NRK: variants seen among roughly 807,000 people sequenced by gnomAD.
The protein encoded by NRK is nik-related protein kinase.
A neutral mutation model predicts 125.2 loss-of-function variants in NRK; 67 were observed. The observed-to-expected ratio is 0.54, with a 90% CI of 0.44 to 0.66. The LOEUF is 0.66. Ranked by LOEUF, NRK falls within the 30% of genes least tolerant of loss-of-function variation. The pLI is 0.00. For synonymous variants in NRK, 458 were observed against 429.0 expected (o/e 1.07, Z -0.84); for missense variants, 1,224 against 1,192.9 (o/e 1.03, Z -0.38).
chrX:105,940,390 A>G (rs951976527), intron 23 of NRK, among the ~76,000 whole-genome samples: 5 of 109,455 alleles, frequency 4.6e-5, no homozygotes, highest in African/African-American at 1.7e-4. Flanking sequence ...TCCTGCCTTT[A>G]TATAGCTTCA....
intron 2 of NRK, among the ~76,000 whole-genome samples, chrX:105,836,392 CT>C (rs1440887969): frequency 1.9e-4 from 21 of 111,812 alleles, no homozygotes; most frequent in South Asian, 3.7e-4. Context: ...AACATCAGAT[CT>C]TCCAAGTACA....
Position 105,956,752 on chromosome X carries a change from A to C in NRK, c.*1152A>C. 8.9e-6 allele frequency: 1 copy of C among 112,005 alleles called. No homozygotes were observed. Among genetic ancestry groups the C allele is most frequent in the Non-Finnish European group, 1.9e-5 (1 of 53,143 alleles). 9.2% of individuals were successfully genotyped at this position (112,005 alleles called of 1,213,427 possible). A position where few individuals can be genotyped will look rare whatever the true frequency, so the allele number is the denominator to read the frequency against. ...ATATATAAGCCTGCAAAATTAGAGT[A>C]GTGAAAGTCATGCTAGTCCATCACC... On this transcript the variant is annotated 3_prime_UTR_variant, in exon 29 of 29. Coordinates refer to ENST00000243300, the MANE Select transcript of NRK (RefSeq NM_198465.4).
intron 9 of NRK, among the ~76,000 whole-genome samples, chrX:105,901,696 G>T (rs1297934585): frequency 1.8e-5 from 2 of 111,536 alleles, no homozygotes; most frequent in Non-Finnish European, 3.8e-5. Flanking sequence ...AAGAGGGGCT[G>T]GGATAAAGCT....
At chrX:105,852,330 G>A (rs1027858678) in intron 2 of NRK, among the ~76,000 whole-genome samples, 30 of 111,857 alleles carry the variant, frequency 2.7e-4, no homozygotes, top group African/African-American at 9.4e-4. Context: ...ATAGGGAAAT[G>A]GTGAAAGTTC....
intron 2 of NRK, among the ~76,000 whole-genome samples, chrX:105,831,757 A>G (rs2039195973): frequency 9.0e-6 from 1 of 111,529 alleles, no homozygotes; most frequent in African/African-American, 3.3e-5. Context: ...GGGGAGCCAT[A>G]CATTACATAA....
intron 2 of NRK, among the ~76,000 whole-genome samples, chrX:105,837,879 A>G (rs1199429157): frequency 3.6e-5 from 4 of 111,653 alleles, no homozygotes. Flanking sequence ...CCCCAAGAGC[A>G]ATAGACACAG....
At position 105,917,618 on chromosome X, in the gene NRK, A is replaced by G. The variant is rs748722097; in HGVS notation, c.2458A>G (p.Ile820Val). ...RSLLEQAQKP[I>V]DIRQRSSQNR... is the part of the protein sequence containing the mutation. Reference sequence around the variant, plus strand: ...TCTTTTGGAACAAGCTCAGAAGCCCATTGACATCAGACAAAGGAGTTCGCA... The same window carrying G: ...TCTTTTGGAACAAGCTCAGAAGCCCGTTGACATCAGACAAAGGAGTTCGCA... The change falls in exon 16 of 29, where the codon ATT becomes GTT. Residue 820 changes from isoleucine to valine, a missense_variant. By Grantham distance (29) the Ile-to-Val change is conservative (BLOSUM62 3). Coordinates refer to ENST00000243300, the MANE Select transcript of NRK (RefSeq NM_198465.4). 37 of 1,169,866 alleles carry G rather than the reference A, an allele frequency of 3.2e-5. No homozygotes were observed. The East Asian group carries it at 1.1e-3, about 35-fold the overall frequency.
In NRK at chrX:105,822,805, A is replaced by G; in HGVS notation, c.-41A>G. ...CGCTTCCACCTCAGACTCTGCGCGC[A>G]CCCAATTCAGTCGCCCGCTCCCGTT... On this transcript the variant is annotated 5_prime_UTR_variant, in exon 1 of 29. Transcript: ENST00000243300. The G allele has an allele frequency of 8.8e-7, 1 of 1,137,926 alleles. No individual in the cohort carries two copies. Among genetic ancestry groups the G allele is most frequent in the Non-Finnish European group, 1.2e-6 (1 of 846,043 alleles). The allele number at this position is 1,137,926 out of a possible 1,213,427, so 93.8% of individuals were successfully genotyped here. A position where few individuals can be genotyped will look rare whatever the true frequency, so the allele number is the denominator to read the frequency against.
At chrX:105,875,346 A>G (rs899744829) in intron 2 of NRK, among the ~76,000 whole-genome samples, 1 of 111,270 alleles carries the variant, frequency 9.0e-6, no homozygotes, top group Non-Finnish European at 1.9e-5. Flanking sequence ...TGGCTGAAGA[A>G]CAACCCCTTC....
chrX:105,910,726 T>C (rs934411052), intron 13 of NRK, among the ~76,000 whole-genome samples: 1 of 111,124 alleles, frequency 9.0e-6, no homozygotes, highest in Non-Finnish European at 1.9e-5. Flanking sequence ...TTGGAGTTGT[T>C]GATTGGTCAG....
intron 2 of NRK, among the ~76,000 whole-genome samples, chrX:105,850,491 T>A (rs912618833): frequency 8.9e-6 from 1 of 112,438 alleles, no homozygotes; most frequent in Non-Finnish European, 1.9e-5. Context: ...CCTCAAAAAA[T>A]GGGTTTTTCT....
chrX:105,880,219 T>C lies in NRK; in HGVS notation c.144T>C (p.Gly48=). ...RIYLGLHEKT[G]AFTAVKVMNA... ...TTCAGGGACTTCATGAGAAGACTGGTGCATTTACAGCTGTTAAAGTGATGA... is the reference window on the plus strand; with the variant it reads ...TTCAGGGACTTCATGAGAAGACTGGCGCATTTACAGCTGTTAAAGTGATGA... Residue 48 remains glycine, a synonymous_variant, in exon 3 of 29, where the codon GGT becomes GGC. Transcript: ENST00000243300. The C allele has an allele frequency of 9.2e-7, 1 of 1,090,702 alleles. No homozygotes were observed. Among genetic ancestry groups the C allele is most frequent in the Admixed American group, 2.7e-5 (1 of 37,353 alleles). 89.9% of individuals were successfully genotyped at this position (1,090,702 alleles called of 1,213,427 possible).
At chrX:105,882,337 C>A (rs1390879534) in intron 4 of NRK, among the ~76,000 whole-genome samples, 1 of 109,328 alleles carries the variant, frequency 9.1e-6, no homozygotes, top group Non-Finnish European at 1.9e-5. Context: ...TGGTACCATA[C>A]TTGAACACAT....
chrX:105,934,397 C>T lies in NRK; in HGVS notation c.3452C>T (p.Ser1151Phe). ...SDFSANHSSP[S>F]KGSGMSADAN... is the part of the protein sequence containing the mutation. ...TTTTCTGCCAATCACTCATCTCCTT[C>T]CAAAGGTTCTGGGATGTCTGCTGAT... is the stretch of plus-strand genomic sequence containing the variant. The change falls in exon 20 of 29, where the codon TCC becomes TTC. Residue 1151 changes from serine to phenylalanine, a missense_variant. Physicochemically the swap from Ser to Phe is radical, Grantham distance 155 (BLOSUM62 -2). Transcript: ENST00000243300. 1 of 1,206,380 alleles carries T rather than the reference C, an allele frequency of 8.3e-7. No individual in the cohort carries two copies. The highest frequency in any genetic ancestry group is 1.1e-6 in the Non-Finnish European group (1 of 891,640).
chrX:105,859,509 A>G (rs972417210), intron 2 of NRK, among the ~76,000 whole-genome samples: 1 of 111,828 alleles, frequency 8.9e-6, no homozygotes, highest in African/African-American at 3.3e-5. Flanking sequence ...TATAGCCAGT[A>G]TCTGCATGAT....
intron 26 of NRK, 77 bp from the exon 27 acceptor site, chrX:105,949,498 G>T: frequency 1.3e-6 from 1 of 787,492 alleles, no homozygotes; most frequent in Non-Finnish European, 1.9e-6. Context: ...GGTCTTTATT[G>T]CTCTGCCAAG....
intron 2 of NRK, among the ~76,000 whole-genome samples, chrX:105,853,182 G>A (rs987109323): frequency 1.8e-5 from 2 of 111,884 alleles, no homozygotes; most frequent in Admixed American, 1.9e-4. Context: ...GACTAGCAGT[G>A]TCAGTATCAC....
At chrX:105,920,038 A>C (rs2040419237) in intron 16 of NRK, among the ~76,000 whole-genome samples, 1 of 104,920 alleles carries the variant, frequency 9.5e-6, no homozygotes, top group South Asian at 4.5e-4. Context: ...TCTAACGTTT[A>C]AGTCTTTAAT....
At chrX:105,874,050 C>G (rs183206622) in intron 2 of NRK, among the ~76,000 whole-genome samples, 29 of 111,518 alleles carry the variant, frequency 2.6e-4, no homozygotes, top group African/African-American at 8.8e-4. Flanking sequence ...CTGACATTTT[C>G]TGTATTTAAT....
Sources: gnomAD v4.1 joint callset for allele counts (sites outside exome capture counted in the v4.1 genomes callset) on GRCh38, gnomAD v4.1.1 for gene constraint, MANE v1.5 for transcripts, NCBI Gene and HGNC (gene_info 2026-07-23, HGNC 2026-07-21) for gene names.